PRICKLE2: variants seen among roughly 807,000 people sequenced by gnomAD.
PRICKLE2 encodes the protein prickle planar cell polarity protein 2.
Under a neutral mutation model 81.4 loss-of-function variants are expected in PRICKLE2, and 21 were observed. The observed-to-expected ratio is 0.26, with a 90% confidence interval of 0.18 to 0.37. The LOEUF (loss-of-function observed/expected upper bound fraction) is 0.37. Ranked by LOEUF, PRICKLE2 falls within the 10% of genes least tolerant of loss-of-function variation. The pLI is 1.00. For synonymous variants in PRICKLE2, 456 were observed against 421.5 expected (o/e 1.08, Z -1.00); for missense variants, 940 against 1,109.0 (o/e 0.85, Z 2.16).
intron 7 of PRICKLE2, among the ~76,000 whole-genome samples, chr3:64,130,577 G>A (rs1447485719): frequency 4.6e-5 from 7 of 152,164 alleles, no homozygotes; most frequent in Non-Finnish European, 1.0e-4. Context: ...TAGGATGAGT[G>A]CTAATTCTGT....
At chr3:64,197,176 C>T (rs571496371) in intron 2 of PRICKLE2, among the ~76,000 whole-genome samples, 145 of 152,204 alleles carry the variant, frequency 9.5e-4, no homozygotes, top group Non-Finnish European at 1.4e-3. Context: ...GGCATTTAGG[C>T]TCATGCCATG....
At chr3:64,217,555 C>G (rs564078165) in intron 1 of PRICKLE2, among the ~76,000 whole-genome samples, 2 of 152,310 alleles carry the variant, frequency 1.3e-5, no homozygotes, top group East Asian at 3.9e-4. Context: ...TTCCAGCACA[C>G]TTAGGCTATT....
chr3:64,211,363 G>A (rs1017101032), intron 1 of PRICKLE2, among the ~76,000 whole-genome samples: 2 of 152,244 alleles, frequency 1.3e-5, no homozygotes, highest in African/African-American at 4.8e-5. Context: ...GTTTCTATCT[G>A]ACACAATGAT....
rs1170434345 is a variant in PRICKLE2, at chr3:64,098,358, G to A, written c.*693C>T. ...GACTTAAGGATGGCTCCTTAAGATG[G>A]AACGGAGCATAAAATGCTTTGGGTC... On this transcript the variant is annotated 3_prime_UTR_variant, in exon 8 of 8. Coordinates refer to ENST00000638394, the MANE Select transcript of PRICKLE2 (RefSeq NM_198859.4). 6.6e-6 allele frequency: 1 copy of A among 151,958 alleles called. No homozygotes were observed. Among genetic ancestry groups the A allele is most frequent in the African/African-American group, 2.4e-5 (1 of 41,164 alleles). 9.4% of individuals were successfully genotyped at this position (151,958 alleles called of 1,614,324 possible).
intron 2 of PRICKLE2, among the ~76,000 whole-genome samples, chr3:64,180,234 C>T (rs1309607489): frequency 1.3e-5 from 2 of 152,206 alleles, no homozygotes; most frequent in African/African-American, 4.8e-5. Context: ...TCATCCTCAA[C>T]AAAGACCATG....
chr3:64,125,356 G>C (rs1482804851), intron 7 of PRICKLE2, among the ~76,000 whole-genome samples: 1 of 152,226 alleles, frequency 6.6e-6, no homozygotes, highest in African/African-American at 2.4e-5. Flanking sequence ...AGCAGTGGCA[G>C]GGTTGAAGAG....
At chr3:64,203,967 G>A (rs754762893) in intron 1 of PRICKLE2, among the ~76,000 whole-genome samples, 4 of 151,970 alleles carry the variant, frequency 2.6e-5, no homozygotes, top group South Asian at 2.1e-4. Context: ...GACAGAGCGA[G>A]ATGCTGTCTC....
intron 2 of PRICKLE2, among the ~76,000 whole-genome samples, chr3:64,254,963 T>C (rs973447396): frequency 6.6e-6 from 1 of 152,208 alleles, no homozygotes; most frequent in Non-Finnish European, 1.5e-5. Flanking sequence ...TCACCTGAGA[T>C]AAATGTTTCA....
At chr3:64,199,109 T>C (rs2078519805) in intron 1 of PRICKLE2, 142 bp from the exon 2 acceptor site, 10 of 752,176 alleles carry the variant, frequency 1.3e-5, no homozygotes, top group Non-Finnish European at 2.2e-5. Context: ...TCGCGAGCAG[T>C]GTTCCAGAAC....
chr3:64,134,247 C>G (rs1575575740), intron 7 of PRICKLE2, among the ~76,000 whole-genome samples: 1 of 152,170 alleles, frequency 6.6e-6, no homozygotes, highest in Non-Finnish European at 1.5e-5. Flanking sequence ...CCCTTAAACA[C>G]TAAGTGTGAA....
chr3:64,223,612 A>G (rs1194395813), intron 1 of PRICKLE2, among the ~76,000 whole-genome samples: 2 of 152,240 alleles, frequency 1.3e-5, no homozygotes, highest in African/African-American at 4.8e-5. Context: ...TGGAGCCAGT[A>G]TGTTTTAATT....
chr3:64,177,260 C>T (rs560393374), intron 2 of PRICKLE2, among the ~76,000 whole-genome samples: 27 of 150,606 alleles, frequency 1.8e-4, no homozygotes, highest in Non-Finnish European at 3.1e-4. Flanking sequence ...CTCAGCCTCC[C>T]GAGTAGCTGG....
chr3:64,121,321 G>A lies in PRICKLE2; in HGVS notation c.1661-21396C>T, dbSNP rs565907797. Among the ~76,000 whole-genome samples, 4 of 152,310 alleles carry A rather than the reference G, an allele frequency of 2.6e-5. No homozygotes were observed. The East Asian group carries it at 7.7e-4, about 29-fold the overall frequency. On this transcript the variant is annotated intron_variant, in intron 7 of 7. Transcript: ENST00000638394. The stretch of plus-strand genomic sequence containing the variant: ...CTTCTCAAAAACAGGCTTCAGTGCA[G>A]TAGGAATTTTCAGAAAGAAGATAGA...
chr3:64,167,767 C>T (rs62249936), intron 2 of PRICKLE2, among the ~76,000 whole-genome samples: 6 of 152,156 alleles, frequency 3.9e-5, no homozygotes, highest in Admixed American at 3.3e-4. Flanking sequence ...ATTTAGAGCA[C>T]TGGTTCTCAA....
intron 1 of PRICKLE2, among the ~76,000 whole-genome samples, chr3:64,207,778 T>C (rs2078715434): frequency 1.3e-5 from 2 of 152,212 alleles, no homozygotes; most frequent in Non-Finnish European, 2.9e-5. Flanking sequence ...CTTGCAATTT[T>C]CTGTGCAAGT....
chr3:64,187,127 G>C (rs1286863623), intron 2 of PRICKLE2, among the ~76,000 whole-genome samples: 1 of 152,206 alleles, frequency 6.6e-6, no homozygotes, highest in Non-Finnish European at 1.5e-5. Context: ...CCTGCTGGTG[G>C]AATCTGGCCG....
chr3:64,222,713 G>A (rs1326179401), intron 1 of PRICKLE2, among the ~76,000 whole-genome samples: 1 of 152,156 alleles, frequency 6.6e-6, no homozygotes, highest in East Asian at 1.9e-4. Context: ...CAACCAGCAG[G>A]TTAAGCACAT....
At chr3:64,221,345 A>T (rs1376531350) in intron 1 of PRICKLE2, among the ~76,000 whole-genome samples, 1 of 151,838 alleles carries the variant, frequency 6.6e-6, no homozygotes, top group African/African-American at 2.4e-5. Flanking sequence ...CAATAGGCCA[A>T]AGAAAAAAGA....
At chr3:64,145,730 A>G (rs1407868140) in intron 7 of PRICKLE2, 1 of 151,992 alleles carries the variant, frequency 6.6e-6, no homozygotes, top group African/African-American at 2.4e-5. Flanking sequence ...AGAAGCTGTC[A>G]TGGATGCTTT....
Sources: gnomAD v4.1 joint callset for allele counts (sites outside exome capture counted in the v4.1 genomes callset) on GRCh38, gnomAD v4.1.1 for gene constraint, MANE v1.5 for transcripts, NCBI Gene and HGNC (gene_info 2026-07-23, HGNC 2026-07-21) for gene names.